CNTN5: variants seen among roughly 807,000 people sequenced by gnomAD.
CNTN5 encodes the protein contactin 5.
In CNTN5, 77 loss-of-function variants were observed where a neutral mutation model predicts 129.1. That is an observed-to-expected ratio of 0.60 (90% CI 0.50 to 0.72). The LOEUF is 0.72. Among genes scored for constraint, CNTN5 ranks in the 30% least tolerant of loss-of-function variants. CNTN5 has a pLI of 0.00. For synonymous variants in CNTN5, 509 were observed against 465.6 expected, an observed-to-expected ratio of 1.09 and a Z score of -1.20; for missense variants, 1,478 against 1,328.8, an observed-to-expected ratio of 1.11 and a Z score of -1.75.
chr11:99,776,547 G>T (rs1269455833), intron 3 of CNTN5, among the ~76,000 whole-genome samples: 1 of 150,978 alleles, frequency 6.6e-6, no homozygotes, highest in African/African-American at 2.4e-5. Context: ...TCATTTAAAA[G>T]TAGAATGTTA....
At chr11:99,549,420 T>C (rs1948408922) in intron 2 of CNTN5, among the ~76,000 whole-genome samples, 1 of 152,124 alleles carries the variant, frequency 6.6e-6, no homozygotes, top group Non-Finnish European at 1.5e-5. Flanking sequence ...GGCTTTGGTT[T>C]TGGTCCCCCA....
intron 13 of CNTN5, among the ~76,000 whole-genome samples, chr11:100,172,785 A>G (rs1460177504): frequency 6.6e-6 from 1 of 152,082 alleles, no homozygotes; most frequent in East Asian, 1.9e-4. Context: ...TGGAATCAGA[A>G]AGGCAGAAAG....
intron 2 of CNTN5, among the ~76,000 whole-genome samples, chr11:99,458,945 G>A (rs1004943716): frequency 1.2e-4 from 19 of 152,150 alleles, no homozygotes; most frequent in African/African-American, 2.2e-4. Flanking sequence ...GACAGAGGGC[G>A]TTGAATAATG....
chr11:99,568,764 C>T (rs1220960807), intron 3 of CNTN5, among the ~76,000 whole-genome samples: 3 of 152,012 alleles, frequency 2.0e-5, no homozygotes, highest in Non-Finnish European at 2.9e-5. Flanking sequence ...GAGTTAAATG[C>T]CATATATTTT....
intron 3 of CNTN5, among the ~76,000 whole-genome samples, chr11:99,641,043 T>C (rs618310): frequency 0.22 from 33,036 of 152,194 alleles, 4,178 homozygotes; most frequent in Middle Eastern, 0.35. Context: ...AGACATGAAA[T>C]GTAATGAGTT....
At chr11:99,427,917 A>T (rs1483278391) in intron 2 of CNTN5, among the ~76,000 whole-genome samples, 1 of 151,922 alleles carries the variant, frequency 6.6e-6, no homozygotes, top group Non-Finnish European at 1.5e-5. Context: ...AAAGACTATT[A>T]TTAATAATTT....
intron 3 of CNTN5, among the ~76,000 whole-genome samples, chr11:99,753,184 G>A (rs1361818130): frequency 6.1e-5 from 9 of 146,470 alleles, no homozygotes; most frequent in African/African-American, 7.7e-5. Context: ...GTACGGTGGC[G>A]AGATCTCGAC....
At chr11:100,093,887 G>A (rs928255279) in intron 13 of CNTN5, among the ~76,000 whole-genome samples, 1 of 152,076 alleles carries the variant, frequency 6.6e-6, no homozygotes, top group Non-Finnish European at 1.5e-5. Context: ...CAGGCAGAAG[G>A]AGCAAACACA....
chr11:100,351,657 T>TAAAAAAAA (rs60798966), intron 24 of CNTN5, among the ~76,000 whole-genome samples: 2 of 103,652 alleles, frequency 1.9e-5, no homozygotes, highest in African/African-American at 3.4e-5. Context: ...GTAGAGATAG[T>TAAAAAAAA]AAAAAAAAAA....
chr11:99,321,132 C>G (rs1865551729), intron 1 of CNTN5, among the ~76,000 whole-genome samples: 1 of 151,844 alleles, frequency 6.6e-6, no homozygotes, highest in African/African-American at 2.4e-5. Context: ...CTCTCCTAAA[C>G]CTTCAGCTTG....
At chr11:99,745,905 C>T (rs1023236989) in intron 3 of CNTN5, among the ~76,000 whole-genome samples, 1 of 152,102 alleles carries the variant, frequency 6.6e-6, no homozygotes, top group African/African-American at 2.4e-5. Context: ...TAGGGCTATA[C>T]TCAGGTTGTA....
intron 1 of CNTN5, among the ~76,000 whole-genome samples, chr11:99,244,297 A>C (rs1176900520): frequency 6.6e-6 from 1 of 152,112 alleles, no homozygotes; most frequent in Non-Finnish European, 1.5e-5. Context: ...ATTTTTGTAC[A>C]TTGATTTTGT....
chr11:100,017,407 A>G (rs979374968), intron 9 of CNTN5, among the ~76,000 whole-genome samples: 4 of 151,992 alleles, frequency 2.6e-5, no homozygotes, highest in African/African-American at 9.7e-5. Flanking sequence ...ATTGCACTCA[A>G]TGTTGTGTTG....
intron 21 of CNTN5, chr11:100,309,608 T>C (rs751237695): frequency 1.4e-4 from 134 of 983,994 alleles, no homozygotes; most frequent in Non-Finnish European, 1.5e-4. Flanking sequence ...AATCCATGCT[T>C]CAGGGACCAT....
At chr11:100,254,210 G>A (rs1213790939) in intron 16 of CNTN5, among the ~76,000 whole-genome samples, 1 of 152,022 alleles carries the variant, frequency 6.6e-6, no homozygotes, top group Non-Finnish European at 1.5e-5. Context: ...TAGAATATTT[G>A]TATTTTCTCT....
At chr11:99,844,141 C>T (rs566249529) in intron 4 of CNTN5, among the ~76,000 whole-genome samples, 5 of 152,146 alleles carry the variant, frequency 3.3e-5, no homozygotes, top group Non-Finnish European at 7.4e-5. Flanking sequence ...AAAATAGAAT[C>T]GAGTGTCTGG....
chr11:99,407,616 AGTT>A (rs1422553595), intron 2 of CNTN5, among the ~76,000 whole-genome samples: 4 of 152,152 alleles, frequency 2.6e-5, no homozygotes, highest in Admixed American at 6.5e-5. Context: ...CTCTTGGTCC[AGTT>A]CAGCACTAGG....
At chr11:99,860,297 A>C (rs1255948134) in intron 6 of CNTN5, among the ~76,000 whole-genome samples, 2 of 150,426 alleles carry the variant, frequency 1.3e-5, no homozygotes, top group Non-Finnish European at 3.0e-5. Flanking sequence ...TTTGTTGAGG[A>C]TTTTTAGTTT....
intron 21 of CNTN5, among the ~76,000 whole-genome samples, chr11:100,314,444 G>A (rs772861049): frequency 1.6e-4 from 25 of 152,106 alleles, no homozygotes; most frequent in Admixed American, 3.9e-4. Context: ...CTGAAGTCAT[G>A]TACACAGATT....
Sources: allele counts gnomAD v4.1 joint callset (sites outside exome capture counted in the v4.1 genomes callset), GRCh38; gene constraint gnomAD v4.1.1; transcripts MANE v1.5; gene names NCBI Gene and HGNC (gene_info 2026-07-23, HGNC 2026-07-21).